LDAH: variants seen among roughly 807,000 people sequenced by gnomAD.
LDAH encodes lipid droplet-associated hydrolase.
LDAH carries 26 observed loss-of-function variants against 29.6 expected under a neutral mutation model. That is an observed-to-expected ratio of 0.88 (90% confidence interval 0.64 to 1.22). LDAH has a LOEUF of 1.22. Ranked by LOEUF, LDAH falls within the 50% of genes most tolerant of loss-of-function variation. The probability of loss-of-function intolerance (pLI) is 0.00; values close to 1 mark genes in which losing one functional copy is unlikely to be tolerated. For synonymous variants in LDAH, 117 were observed against 133.0 expected, an observed-to-expected ratio of 0.88 and a Z score of 0.83; for missense variants, 344 against 387.3, an observed-to-expected ratio of 0.89 and a Z score of 0.94.
chr2:20,782,335 G>A (rs750405432), intron 3 of LDAH, among the ~76,000 whole-genome samples: 2 of 152,196 alleles, frequency 1.3e-5, no homozygotes, highest in Admixed American at 6.5e-5. Flanking sequence ...TGCCATTCAT[G>A]TTCTCTTCAA....
chr2:20,785,214 TA>T (rs1670467492), intron 3 of LDAH, among the ~76,000 whole-genome samples: 1 of 152,232 alleles, frequency 6.6e-6, no homozygotes, highest in Non-Finnish European at 1.5e-5. Context: ...GAACTTCTTT[TA>T]ATATTTCTTG....
chr2:20,762,644 T>C (rs1668768688), intron 4 of LDAH, among the ~76,000 whole-genome samples: 1 of 152,228 alleles, frequency 6.6e-6, no homozygotes, highest in Non-Finnish European at 1.5e-5. Context: ...CATTAAACAC[T>C]ATCACACATT....
intron 1 of LDAH, among the ~76,000 whole-genome samples, chr2:20,805,360 C>T (rs959037510): frequency 1.1e-4 from 16 of 152,246 alleles, no homozygotes; most frequent in African/African-American, 3.4e-4. Context: ...TATAAAGCAT[C>T]GTTTATTTTA....
At chr2:20,739,387 G>A (rs1400072018) in intron 5 of LDAH, among the ~76,000 whole-genome samples, 1 of 152,130 alleles carries the variant, frequency 6.6e-6, no homozygotes, top group Admixed American at 6.5e-5. Context: ...GTATAAAATA[G>A]TATGATCTAA....
chr2:20,778,964 G>C (rs1034532041), intron 3 of LDAH, among the ~76,000 whole-genome samples: 2 of 151,194 alleles, frequency 1.3e-5, no homozygotes, highest in Admixed American at 1.3e-4. Flanking sequence ...GAATATAAAT[G>C]TATAAGTTCA....
chr2:20,722,234 C>T (rs901990690), intron 5 of LDAH, among the ~76,000 whole-genome samples: 12 of 151,796 alleles, frequency 7.9e-5, no homozygotes, highest in African/African-American at 2.7e-4. Context: ...ATTAGCCGAG[C>T]GTGGTGGTGT....
In LDAH at chr2:20,686,819, T is replaced by C; in HGVS notation, c.*84A>G. 8.0e-7 allele frequency: 1 copy of C among 1,257,492 alleles called. No homozygotes were observed. Among genetic ancestry groups the C allele is most frequent in the Non-Finnish European group, 1.1e-6 (1 of 903,830 alleles). 77.9% of individuals were successfully genotyped at this position (1,257,492 alleles called of 1,614,324 possible). On this transcript the variant is annotated 3_prime_UTR_variant, in exon 7 of 7. Coordinates refer to ENST00000237822, the MANE Select transcript of LDAH (RefSeq NM_021925.4). Reference sequence around the variant, plus strand: ...ACTTTCTTCATTTCTAATATCAGTCTTCAAAATTAAACATTTACCTACTAA... The same window carrying C: ...ACTTTCTTCATTTCTAATATCAGTCCTCAAAATTAAACATTTACCTACTAA...
chr2:20,774,893 T>G lies in LDAH; in HGVS notation c.385A>C (p.Lys129Gln). The G allele has an allele frequency of 1.9e-6, 3 of 1,613,622 alleles. No homozygotes were observed. The highest frequency in any genetic ancestry group is 2.5e-6 in the Non-Finnish European group (3 of 1,179,852). The change falls in exon 4 of 7, where the codon AAG becomes CAG. Residue 129 changes from lysine (K) to glutamine (Q), a missense_variant. Coordinates refer to ENST00000237822, the MANE Select transcript of LDAH (RefSeq NM_021925.4). ...KLAFLRTHVP[K>Q]DMKLVLIGHS... ...CCAATGAGCACAAGTTTCATGTCCT[T>G]TGGCACATGAGTTCTCAGGAAAGCT...
At chr2:20,710,801 T>C (rs1317772027) in intron 5 of LDAH, among the ~76,000 whole-genome samples, 2 of 151,166 alleles carry the variant, frequency 1.3e-5, no homozygotes, top group Non-Finnish European at 2.9e-5. Context: ...AGGTAGCACT[T>C]CAAAACAGTG....
intron 1 of LDAH, among the ~76,000 whole-genome samples, chr2:20,818,096 T>TA (rs1277952859): frequency 6.6e-6 from 1 of 152,130 alleles, no homozygotes; most frequent in Non-Finnish European, 1.5e-5. Flanking sequence ...TGAGTCCTTA[T>TA]AAAGTTGGTG....
At chr2:20,703,293 G>A (rs4971528) in intron 5 of LDAH, among the ~76,000 whole-genome samples, 9,967 of 152,196 alleles carry the variant, frequency 0.065, 456 homozygotes, top group East Asian at 0.13. Flanking sequence ...CCGTTTCCTA[G>A]AGGAAGCCTC....
At chr2:20,809,464 G>T (rs1042980183) in intron 1 of LDAH, among the ~76,000 whole-genome samples, 3 of 152,002 alleles carry the variant, frequency 2.0e-5, no homozygotes, top group Non-Finnish European at 4.4e-5. Context: ...TTTAGCAAAA[G>T]ACACTATTAA....
At chr2:20,765,128 A>C (rs1431940229) in intron 4 of LDAH, among the ~76,000 whole-genome samples, 1 of 152,214 alleles carries the variant, frequency 6.6e-6, no homozygotes, top group East Asian at 1.9e-4. Context: ...CCATTTTCCA[A>C]GTTTTCAAGT....
At chr2:20,699,882 A>T (rs1663788917) in intron 6 of LDAH, among the ~76,000 whole-genome samples, 1 of 152,242 alleles carries the variant, frequency 6.6e-6, no homozygotes, top group South Asian at 2.1e-4. Context: ...GGAATAAGTT[A>T]GCACCTTTCT....
intron 5 of LDAH, among the ~76,000 whole-genome samples, chr2:20,707,591 G>C (rs1664404563): frequency 6.6e-6 from 1 of 152,202 alleles, no homozygotes; most frequent in African/African-American, 2.4e-5. Flanking sequence ...GAACGCTCCA[G>C]AGATCTGCAG....
At chr2:20,702,876 G>A (rs115046358) in intron 5 of LDAH, among the ~76,000 whole-genome samples, 2,066 of 152,236 alleles carry the variant, frequency 0.014, 48 homozygotes, top group African/African-American at 0.047. Flanking sequence ...TTTGTTGCCC[G>A]GGCTGGAGGG....
chr2:20,717,964 A>G (rs958999625), intron 5 of LDAH, among the ~76,000 whole-genome samples: 7 of 152,210 alleles, frequency 4.6e-5, no homozygotes, highest in Non-Finnish European at 8.8e-5. Context: ...GTTATAGGTA[A>G]CTTCTTATAA....
intron 4 of LDAH, among the ~76,000 whole-genome samples, chr2:20,757,241 A>C (rs1029693445): frequency 2.0e-5 from 3 of 152,236 alleles, no homozygotes; most frequent in African/African-American, 7.2e-5. Context: ...AGAGTTTCTG[A>C]AAAATCTTGT....
chr2:20,711,014 G>A (rs1664717009), intron 5 of LDAH, among the ~76,000 whole-genome samples: 1 of 152,016 alleles, frequency 6.6e-6, no homozygotes, highest in African/African-American at 2.4e-5. Context: ...GTTGCAGAAA[G>A]GAAGTCAGAG....
Sources: allele counts gnomAD v4.1 joint callset (sites outside exome capture counted in the v4.1 genomes callset), GRCh38; gene constraint gnomAD v4.1.1; transcripts MANE v1.5; gene names NCBI Gene and HGNC (gene_info 2026-07-23, HGNC 2026-07-21).